PSMG2: variants seen among roughly 807,000 people sequenced by gnomAD.
PSMG2 encodes the protein CD40 ligand-activated specific transcript 3.
A neutral mutation model predicts 31.5 loss-of-function variants in PSMG2; 21 were observed. The ratio of observed to expected loss-of-function variants is 0.67; its 90% CI spans 0.47 to 0.96. The LOEUF is 0.96. Ranked by LOEUF, PSMG2 falls within the 40% of genes least tolerant of loss-of-function variation. The pLI is 0.00. For missense variants in PSMG2, 318 were observed against 321.2 expected, an observed-to-expected ratio of 0.99 and a Z score of 0.08; for synonymous variants, 120 against 110.4, an observed-to-expected ratio of 1.09 and a Z score of -0.54.
intron 6 of PSMG2, 151 bp downstream of exon 6, chr18:12,724,770 A>C (rs1307020806): frequency 1.4e-5 from 12 of 884,262 alleles, no homozygotes; most frequent in African/African-American, 1.7e-5. Flanking sequence ...TGAACTTTTG[A>C]AAATTAGAGG....
At position 12,724,480 on chromosome 18, in the gene PSMG2, T is replaced by C. The variant is rs2040457557; in HGVS notation, c.582-19T>C. 1 of 1,582,436 alleles carries C rather than the reference T, an allele frequency of 6.3e-7. No individual in the cohort carries two copies. Among genetic ancestry groups the C allele is most frequent in the Non-Finnish European group, 8.6e-7 (1 of 1,167,360 alleles). On this transcript the variant is annotated intron_variant, in intron 5 of 6. Transcript: ENST00000317615. ...GTACCCTATGAAAGAATACTGATTC[T>C]TATTTTTATTTCTTGTAGCTGTTCT...
At chr18:12,692,532 G>A (rs756205963) in intron 1 of PSMG2, among the ~76,000 whole-genome samples, 1 of 151,890 alleles carries the variant, frequency 6.6e-6, no homozygotes, top group Non-Finnish European at 1.5e-5. Context: ...CCCAATCTTT[G>A]CATGGCTGGT....
At chr18:12,668,597 CAAAAAAAAAA>C (rs752216074) in intron 1 of PSMG2, among the ~76,000 whole-genome samples, 135 of 72,802 alleles carry the variant, frequency 1.9e-3, no homozygotes, top group Middle Eastern at 9.8e-3. Context: ...GATTCCATCT[CAAAAAAAAAA>C]AAAAAAAAAA....
chr18:12,663,148 T>C (rs2144940524), intron 1 of PSMG2, among the ~76,000 whole-genome samples: 1 of 152,300 alleles, frequency 6.6e-6, no homozygotes, highest in East Asian at 1.9e-4. Flanking sequence ...TCAAATACAT[T>C]TCCTATAACA....
upstream of PSMG2, chr18:12,702,329 G>C (rs964119752): frequency 3.5e-5 from 21 of 594,056 alleles, no homozygotes; most frequent in Admixed American, 5.3e-4. Flanking sequence ...ACGCTCTCCT[G>C]CCTCAAACTC....
chr18:12,712,655 G>A, intron 2 of PSMG2, 47 bp from the exon 3 acceptor site: 2 of 1,367,878 alleles, frequency 1.5e-6, no homozygotes, highest in South Asian at 1.3e-5. Flanking sequence ...ATTTCAACTT[G>A]TATAACTTCA....
chr18:12,686,693 G>A (rs1476379527), intron 1 of PSMG2: 2 of 332,574 alleles, frequency 6.0e-6, no homozygotes, highest in African/African-American at 2.2e-5. Flanking sequence ...CCAGGTTCAA[G>A]CTCTGAGCTG....
intron 1 of PSMG2, among the ~76,000 whole-genome samples, chr18:12,689,860 G>A (rs370723064): frequency 5.7e-4 from 87 of 152,198 alleles, no homozygotes; most frequent in African/African-American, 1.8e-3. Context: ...CGTGATCTTC[G>A]CTCACTGCAA....
Position 12,708,485 on chromosome 18 carries a change from C to T in PSMG2, c.229+1764C>T, listed in dbSNP as rs138403423. Among the ~76,000 whole-genome samples, 171 of 152,062 alleles carry T rather than the reference C, an allele frequency of 1.1e-3. 1 individual carries two copies. Among genetic ancestry groups the T allele is most frequent in the East Asian group, 7.0e-3 (36 of 5,146 alleles). On this transcript the variant is annotated intron_variant, in intron 2 of 6. Coordinates refer to ENST00000317615, the MANE Select transcript of PSMG2 (RefSeq NM_020232.5). ...TTTCAGGCAGTTCTCCTGCCTCAGC[C>T]TCCCGAGTAGCTGGGATTACAGGCA...
chr18:12,680,638 T>G, intron 1 of PSMG2: 3 of 1,358,358 alleles, frequency 2.2e-6, no homozygotes, highest in Non-Finnish European at 3.0e-6. Flanking sequence ...CATTTTAATA[T>G]CCTTATAAAC....
chr18:12,687,150 C>T lies in PSMG2; in HGVS notation c.-36-19400C>T, dbSNP rs369113813. On this transcript the variant is annotated intron_variant, in intron 1 of 6. Transcript: ENST00000585331. ...TACCTTCATGGTTACTGATACGGCA[C>T]TGTGAAAGGGCCACTTACTATTCAA... 1.5e-3 allele frequency among the ~76,000 whole-genome samples: 225 copies of T among 152,244 alleles called. 1 individual carries two copies. The highest frequency in any genetic ancestry group is 5.1e-3 in the African/African-American group (210 of 41,560).
intron 1 of PSMG2, among the ~76,000 whole-genome samples, chr18:12,671,602 A>G (rs1316260555): frequency 6.6e-6 from 1 of 150,778 alleles, no homozygotes; most frequent in Non-Finnish European, 1.5e-5. Context: ...TTTAATATAT[A>G]AAATTTTAAA....
At chr18:12,698,944 A>C, upstream of PSMG2, 1 of 1,375,734 alleles carries the variant, frequency 7.3e-7, no homozygotes, top group Non-Finnish European at 1.0e-6. Context: ...ACAAAGATTT[A>C]CTCAATTAAA....
chr18:12,694,281 C>T (rs571439792), intron 1 of PSMG2, among the ~76,000 whole-genome samples: 2 of 152,224 alleles, frequency 1.3e-5, no homozygotes, highest in Admixed American at 6.5e-5. Flanking sequence ...GAAGCACTAG[C>T]GTCTAACCAC....
At chr18:12,685,451 A>C (rs1286451886) in intron 1 of PSMG2, 2 of 152,112 alleles carry the variant, frequency 1.3e-5, no homozygotes, top group Admixed American at 6.6e-5. Context: ...ACATCACAGA[A>C]ATCACAATAA....
At chr18:12,680,132 A>G (rs2039293824) in intron 1 of PSMG2, among the ~76,000 whole-genome samples, 1 of 151,974 alleles carries the variant, frequency 6.6e-6, no homozygotes, top group South Asian at 2.1e-4. Context: ...GTTTACCAAC[A>G]TCATGTTGGT....
intron 1 of PSMG2, chr18:12,678,312 C>A: frequency 1.2e-6 from 2 of 1,614,128 alleles, no homozygotes; most frequent in Non-Finnish European, 1.7e-6. Flanking sequence ...GTTTCTACTG[C>A]ATCAGAGGGT....
Position 12,725,672 on chromosome 18 carries a change from CTT to C in PSMG2, c.*143_*144del. Reference sequence around the variant, plus strand: ...ATCAAAGAAAAAAGATTAAGGGTCTCTTTGCCATGCTTTTCATCATATGCACC... The same window carrying C: ...ATCAAAGAAAAAAGATTAAGGGTCTCTGCCATGCTTTTCATCATATGCACC... On this transcript the variant is annotated 3_prime_UTR_variant, in exon 7 of 7. Coordinates refer to ENST00000317615, the MANE Select transcript of PSMG2 (RefSeq NM_020232.5). The C allele has an allele frequency of 2.0e-6, 1 of 491,866 alleles. No homozygotes were observed. The highest frequency in any genetic ancestry group is 3.5e-6 in the Non-Finnish European group (1 of 288,730). 30.5% of individuals were successfully genotyped at this position (491,866 alleles called of 1,614,324 possible). A position where few individuals can be genotyped will look rare whatever the true frequency, so the allele number is the denominator to read the frequency against.
At chr18:12,679,072 G>A (rs1017354030) in intron 1 of PSMG2, 5 of 152,098 alleles carry the variant, frequency 3.3e-5, no homozygotes, top group Non-Finnish European at 5.9e-5. Flanking sequence ...AAGAGGACTC[G>A]GGAATGAAAA....
Sources: gnomAD v4.1 joint callset for allele counts (sites outside exome capture counted in the v4.1 genomes callset) on GRCh38, gnomAD v4.1.1 for gene constraint, MANE v1.5 for transcripts, NCBI Gene and HGNC (gene_info 2026-07-23, HGNC 2026-07-21) for gene names.